The following ZNF320 variants were observed in gnomAD, a reference collection of about 807,000 sequenced individuals.
The protein encoded by ZNF320 is zinc finger protein 320, also known as zinc finger gene 320.
In ZNF320, 2 loss-of-function variants were observed where a neutral mutation model predicts 6.8. The observed-to-expected ratio is 0.29, with a 90% CI of 0.12 to 0.93. The LOEUF (loss-of-function observed/expected upper bound fraction) is 0.93. ZNF320 is among the 40% of genes least tolerant of loss of function. ZNF320 has a pLI of 0.55. For missense variants in ZNF320, 472 were observed against 611.0 expected, an observed-to-expected ratio of 0.77 and a Z score of 2.40; for synonymous variants, 208 against 203.2, an observed-to-expected ratio of 1.02 and a Z score of -0.20.
chr19:52,859,914 C>CTT (rs36107250), downstream of ZNF320, among the ~76,000 whole-genome samples: 12 of 130,884 alleles, frequency 9.2e-5, no homozygotes, highest in African/African-American at 1.2e-4. Context: ...GTTTTTCTTT[C>CTT]TTTTTTTTTT....
intron 5 of ZNF320, among the ~76,000 whole-genome samples, chr19:52,869,291 A>C (rs919288523): frequency 3.4e-5 from 5 of 148,858 alleles, no homozygotes; most frequent in Admixed American, 2.7e-4. Context: ...GCAGTTTTAC[A>C]TCTCTTAAAT....
chr19:52,869,514 T>TAAC (rs2063640512), intron 5 of ZNF320, among the ~76,000 whole-genome samples: 1 of 152,052 alleles, frequency 6.6e-6, no homozygotes, highest in Non-Finnish European at 1.5e-5. Flanking sequence ...ATGCCTGTAA[T>TAAC]AACAATAATA....
At position 52,889,325 on chromosome 19, in the gene ZNF320, T is replaced by A. The variant is rs1383570018; in HGVS notation, c.15+916A>T. ...CAGGAAATGCCCCATCCTAGATGAATCAATTACCCTTTTAACTGCCTGGCC... is the reference window on the plus strand; with the variant it reads ...CAGGAAATGCCCCATCCTAGATGAAACAATTACCCTTTTAACTGCCTGGCC... On this transcript the variant is annotated intron_variant, in intron 4 of 5. Coordinates refer to ENST00000682928, the MANE Select transcript of ZNF320 (RefSeq NM_001351774.2). Among the ~76,000 whole-genome samples the A allele has an allele frequency of 3.3e-5, 5 of 151,958 alleles. No individual in the cohort carries two copies. The East Asian group carries it at 9.6e-4, about 29-fold the overall frequency.
chr19:52,860,164 G>A (rs753584079), downstream of ZNF320, among the ~76,000 whole-genome samples: 4 of 152,112 alleles, frequency 2.6e-5, no homozygotes, highest in East Asian at 7.7e-4. Flanking sequence ...CTCCCGCCTC[G>A]GCCTCCCAAA....
chr19:52,893,113 G>A (rs564359067), intron 2 of ZNF320, among the ~76,000 whole-genome samples: 20 of 150,306 alleles, frequency 1.3e-4, no homozygotes, highest in Non-Finnish European at 2.2e-4. Context: ...GTTTTTTACT[G>A]CTCTCTCTCT....
At chr19:52,892,751 A>T (rs1266319724) in intron 2 of ZNF320, among the ~76,000 whole-genome samples, 9 of 150,116 alleles carry the variant, frequency 6.0e-5, no homozygotes, top group East Asian at 3.9e-4. Flanking sequence ...CTTCCTTGTT[A>T]TACCTCCCTG....
exon 6 of ZNF320, chr19:52,862,736 T>A: frequency 2.4e-6 from 1 of 416,008 alleles, no homozygotes; most frequent in South Asian, 2.1e-5. Context: ...AAAAACCTTT[T>A]CACAAACCTT....
chr19:52,891,964 T>C (rs188201197), intron 2 of ZNF320: 3 of 152,354 alleles, frequency 2.0e-5, no homozygotes, highest in Admixed American at 1.3e-4. Flanking sequence ...AAGAAACTTC[T>C]TTTGCAACGT....
rs964853381 is a variant in ZNF320 at position 52,879,973 on chromosome 19, T to C, written c.*623A>G. On this transcript the variant is annotated 3_prime_UTR_variant, in exon 6 of 6. Transcript: ENST00000682928. ...GAGATACAAGCCATATTGAATGGAA[T>C]AATATTGCTAAATGATTATAACTGA... 6.6e-6 allele frequency: 1 copy of C among 152,184 alleles called. No individual in the cohort carries two copies. Among genetic ancestry groups the C allele is most frequent in the Non-Finnish European group, 1.5e-5 (1 of 68,030 alleles). The allele number at this position is 152,184 out of a possible 1,614,324, so 9.4% of individuals were successfully genotyped here.
intron 2 of ZNF320, chr19:52,893,382 A>AC (rs2064372104): frequency 6.6e-6 from 1 of 152,002 alleles, no homozygotes; most frequent in South Asian, 2.1e-4. Context: ...CACACGCATT[A>AC]CCTCATGCCT....
intron 2 of ZNF320, among the ~76,000 whole-genome samples, chr19:52,892,996 TTTC>T (rs1371079650): frequency 6.6e-6 from 1 of 152,150 alleles, no homozygotes. Context: ...CTCCTCCTGC[TTTC>T]TTATTTTTTT....
downstream of ZNF320, among the ~76,000 whole-genome samples, chr19:52,875,674 G>T (rs1275014647): frequency 6.6e-6 from 1 of 152,036 alleles, no homozygotes; most frequent in Non-Finnish European, 1.5e-5. Context: ...TCAGCCATTT[G>T]AGGGGCTGAC....
At position 52,878,078 on chromosome 19, in the gene ZNF320, T is replaced by C. The variant is rs760546310; in HGVS notation, c.*2518A>G. The C allele has an allele frequency of 5.1e-6, 1 of 195,422 alleles. No individual in the cohort carries two copies. The highest frequency in any genetic ancestry group is 1.1e-5 in the Non-Finnish European group (1 of 90,142). 12.1% of individuals were successfully genotyped at this position (195,422 alleles called of 1,614,324 possible). ...TCCAGATAGTGGTGACATTTTCAGC[T>C]TGATATGGTAACGTGACTGAATCTT... On this transcript the variant is annotated 3_prime_UTR_variant, in exon 6 of 6. Coordinates refer to ENST00000682928, the MANE Select transcript of ZNF320 (RefSeq NM_001351774.2).
At chr19:52,859,755 G>T (rs1355013998), downstream of ZNF320, among the ~76,000 whole-genome samples, 5 of 152,198 alleles carry the variant, frequency 3.3e-5, no homozygotes, top group East Asian at 9.7e-4. Flanking sequence ...ATGCCAAAAG[G>T]TCTTATCTCT....
upstream of ZNF320, among the ~76,000 whole-genome samples, chr19:52,901,056 C>T (rs1600670858): frequency 6.6e-6 from 1 of 152,080 alleles, no homozygotes; most frequent in Non-Finnish European, 1.5e-5. Flanking sequence ...TATTATTTTA[C>T]TTGTGTCACT....
chr19:52,883,729 C>A, intron 5 of ZNF320: 1 of 376,792 alleles, frequency 2.7e-6, no homozygotes, highest in South Asian at 1.8e-5. Context: ...AAAACCCCAT[C>A]TCTATTAAAA....
intron 5 of ZNF320, among the ~76,000 whole-genome samples, chr19:52,887,194 T>A (rs1165807284): frequency 1.3e-5 from 2 of 152,086 alleles, no homozygotes; most frequent in African/African-American, 4.8e-5. Context: ...ACTCTGCCCA[T>A]CTGAGCTCTT....
upstream of ZNF320, among the ~76,000 whole-genome samples, chr19:52,897,927 T>C (rs1449552928): frequency 6.6e-6 from 1 of 152,184 alleles, no homozygotes; most frequent in Non-Finnish European, 1.5e-5. Flanking sequence ...CTGCGCCTTT[T>C]TTCCAGGTTT....
rs572335536 is a variant in ZNF320, at chr19:52,890,103, G to A, written c.15+138C>T. ...AGATAAAATCTAAGTGAGATAAGAG[G>A]GACTGAGGGAAGGCATGGGTGATTG... On this transcript the variant is annotated intron_variant, in intron 4 of 5. Transcript: ENST00000682928. 3.3e-5 allele frequency: 45 copies of A among 1,366,426 alleles called. No homozygotes were observed. The South Asian group carries it at 5.1e-4, about 16-fold the overall frequency. The allele number at this position is 1,366,426 out of a possible 1,614,324, so 84.6% of individuals were successfully genotyped here.
Sources: gnomAD v4.1 joint callset for allele counts (sites outside exome capture counted in the v4.1 genomes callset) on GRCh38, gnomAD v4.1.1 for gene constraint, MANE v1.5 for transcripts, NCBI Gene and HGNC (gene_info 2026-07-23, HGNC 2026-07-21) for gene names.